Variants in RBFOX3 observed in about 807,000 individuals in gnomAD.
RBFOX3 encodes the protein RNA binding fox-1 homolog 3.
RBFOX3 carries 17 observed loss-of-function variants against 48.7 expected under a neutral mutation model. The observed-to-expected ratio is 0.35, with a 90% CI of 0.24 to 0.52. The LOEUF is 0.52. Among genes scored for constraint, RBFOX3 ranks in the 20% least tolerant of loss-of-function variants. RBFOX3 has a pLI of 0.94. For synonymous variants in RBFOX3, 212 were observed against 209.5 expected (o/e 1.01, Z -0.10); for missense variants, 382 against 497.5 (o/e 0.77, Z 2.21).
At chr17:79,324,976 G>A (rs1053764023) in intron 2 of RBFOX3, among the ~76,000 whole-genome samples, 6 of 152,234 alleles carry the variant, frequency 3.9e-5, no homozygotes, top group African/African-American at 1.4e-4. Context: ...GTGTATCAAA[G>A]CAGGAGGGTG....
intron 4 of RBFOX3, among the ~76,000 whole-genome samples, chr17:79,145,650 A>G (rs1343298624): frequency 1.3e-5 from 2 of 152,122 alleles, no homozygotes; most frequent in Non-Finnish European, 2.9e-5. Context: ...AGCAGGGAGG[A>G]AATGGGGCAT....
chr17:79,127,476 T>G (rs1036163619), intron 4 of RBFOX3, among the ~76,000 whole-genome samples: 2 of 152,162 alleles, frequency 1.3e-5, no homozygotes, highest in Non-Finnish European at 2.9e-5. Context: ...TTCTATTTTC[T>G]TGCAGGTGAT....
At chr17:79,623,506 C>T in the RBFOX3 span, among the ~76,000 whole-genome samples, 1 of 152,140 alleles carries the variant, frequency 6.6e-6, no homozygotes. Flanking sequence ...AACGTAACCA[C>T]AGGGTCCTTA....
chr17:79,401,189 G>C (rs1355817250), intron 2 of RBFOX3, among the ~76,000 whole-genome samples: 1 of 152,214 alleles, frequency 6.6e-6, no homozygotes, highest in East Asian at 1.9e-4. Context: ...ACGATCAAAG[G>C]AAAGATAAGA....
At chr17:79,469,033 A>G (rs1024377663) in intron 2 of RBFOX3, among the ~76,000 whole-genome samples, 2 of 152,226 alleles carry the variant, frequency 1.3e-5, no homozygotes, top group East Asian at 1.9e-4. Context: ...ATGGATGGAT[A>G]GATAGATAGA....
In RBFOX3 at chr17:79,249,230, G is replaced by A. The variant is rs2063592578; in HGVS notation, c.-73-13425C>T. Among the ~76,000 whole-genome samples, 1 of 152,286 alleles carries A rather than the reference G, an allele frequency of 6.6e-6. No individual in the cohort carries two copies. Among genetic ancestry groups the A allele is most frequent in the Admixed American group, 6.5e-5 (1 of 15,302 alleles). On this transcript the variant is annotated intron_variant, in intron 3 of 14. Coordinates refer to ENST00000693108, the MANE Select transcript of RBFOX3 (RefSeq NM_001350451.2). This position sits in a 1 kb window ranked among gnomAD's most constrained non-coding sequence, Gnocchi z 4.1. ...GGGCGTCGAAAGCCAAGCGCGCTCA[G>A]GTCTTCAAAGCCACCGTTTGTGCTT... is the stretch of plus-strand genomic sequence containing the variant.
chr17:79,311,297 T>G lies in RBFOX3; in HGVS notation c.-174-3473A>C, dbSNP rs1199851425. Among the ~76,000 whole-genome samples the G allele has an allele frequency of 7.2e-5, 11 of 151,912 alleles. No homozygotes were observed. The highest frequency in any genetic ancestry group is 2.4e-4 in the African/African-American group (10 of 41,356). On this transcript the variant is annotated intron_variant, in intron 2 of 14. Coordinates refer to ENST00000693108, the MANE Select transcript of RBFOX3 (RefSeq NM_001350451.2). This position sits in a 1 kb window ranked among gnomAD's most constrained non-coding sequence, Gnocchi z 4.2. Reference sequence around the variant, plus strand: ...AAAATACAAAAATTAGCTAGGCATGTTGGTGGGCACCTGTAGTTCCAGCTA... The same window carrying G: ...AAAATACAAAAATTAGCTAGGCATGGTGGTGGGCACCTGTAGTTCCAGCTA...
intron 1 of RBFOX3, among the ~76,000 whole-genome samples, chr17:79,485,803 G>A (rs1035929108): frequency 4.6e-5 from 7 of 152,234 alleles, no homozygotes; most frequent in Admixed American, 1.3e-4. Flanking sequence ...TTGGCGCCCC[G>A]CACCCCTCCT....
intron 4 of RBFOX3, among the ~76,000 whole-genome samples, chr17:79,231,442 G>A (rs1229841204): frequency 6.6e-6 from 1 of 152,122 alleles, no homozygotes; most frequent in East Asian, 1.9e-4. Flanking sequence ...TGCCTTAGTA[G>A]CAAGAACAAT....
chr17:79,117,403 C>T (rs934423899), intron 4 of RBFOX3, among the ~76,000 whole-genome samples: 10 of 152,200 alleles, frequency 6.6e-5, no homozygotes, highest in African/African-American at 2.2e-4. Context: ...TGCGCCTCCA[C>T]CCCACGCTCC....
chr17:79,532,173 G>A (rs2087884947), intron 1 of RBFOX3, among the ~76,000 whole-genome samples: 1 of 150,980 alleles, frequency 6.6e-6, no homozygotes. Context: ...CGGGGCAAAT[G>A]ATCTGAATGT....
At chr17:79,582,681 C>T (rs2093112057) in intron 1 of RBFOX3, among the ~76,000 whole-genome samples, 1 of 147,224 alleles carries the variant, frequency 6.8e-6, no homozygotes, top group Non-Finnish European at 1.5e-5. Flanking sequence ...CCTGTAGTCC[C>T]AGCTATGTGG....
At chr17:79,466,376 G>A (rs1051980966) in intron 2 of RBFOX3, among the ~76,000 whole-genome samples, 2 of 152,336 alleles carry the variant, frequency 1.3e-5, no homozygotes, top group South Asian at 4.1e-4. Flanking sequence ...ATAGGTGGGT[G>A]ACCCAGGATG....
In RBFOX3 at chr17:79,477,308, G is replaced by A. The variant is rs1262508644; in HGVS notation, c.-175+5146C>T. Among the ~76,000 whole-genome samples, 1 of 146,780 alleles carries A rather than the reference G, an allele frequency of 6.8e-6. No homozygotes were observed. The highest frequency in any genetic ancestry group is 6.8e-5 in the Admixed American group (1 of 14,636). On this transcript the variant is annotated intron_variant, in intron 2 of 14. Coordinates refer to ENST00000693108, the MANE Select transcript of RBFOX3 (RefSeq NM_001350451.2). The surrounding 1 kb of genome is among the most constrained non-coding windows in gnomAD (Gnocchi z 4.8). ...GCGGTGGCTCACACCTGTAATCCCA[G>A]CACTTTGGGAGGCCAAGGCAGGTGG... is the stretch of plus-strand genomic sequence containing the variant.
intron 2 of RBFOX3, among the ~76,000 whole-genome samples, chr17:79,457,396 G>T (rs1414530089): frequency 4.6e-5 from 7 of 152,156 alleles, no homozygotes; most frequent in African/African-American, 1.7e-4. Flanking sequence ...CATGAATGGG[G>T]GTACGGCCTT....
intron 4 of RBFOX3, among the ~76,000 whole-genome samples, chr17:79,170,428 A>C (rs113329299): frequency 0.014 from 2,104 of 151,962 alleles, 22 homozygotes; most frequent in Non-Finnish European, 0.02. Context: ...GGGCCAGGGG[A>C]GGGAAGGTGT....
At chr17:79,559,860 GGTAGATGGTGAATA>G (rs2092084720) in intron 1 of RBFOX3, among the ~76,000 whole-genome samples, 2 of 146,248 alleles carry the variant, frequency 1.4e-5, no homozygotes, top group Non-Finnish European at 3.0e-5. Flanking sequence ...TGGATGGATG[GGTAGATGGTGAATA>G]GTGGATGGTG....
chr17:79,092,658 G>T, intron 14 of RBFOX3: 5 of 982,138 alleles, frequency 5.1e-6, no homozygotes, highest in Non-Finnish European at 6.1e-6. Flanking sequence ...CATCAAAGAT[G>T]AAAAACAGCC....
chr17:79,508,995 G>C (rs2083637742), intron 1 of RBFOX3: 1 of 152,252 alleles, frequency 6.6e-6, no homozygotes, highest in Non-Finnish European at 1.5e-5. Context: ...CACCTGGGGG[G>C]CTTGGAGCCT....
Sources: allele counts gnomAD v4.1 joint callset (sites outside exome capture counted in the v4.1 genomes callset), GRCh38; gene constraint gnomAD v4.1.1; non-coding constraint Gnocchi (gnomAD v3.1); transcripts MANE v1.5; gene names NCBI Gene and HGNC (gene_info 2026-07-23, HGNC 2026-07-21).